The following TULP4 variants were observed in gnomAD, a reference collection of about 807,000 sequenced individuals.
The protein encoded by TULP4 is tubby-related protein 4.
Under a neutral mutation model 129.0 loss-of-function variants are expected in TULP4, and 16 were observed. The observed-to-expected ratio is 0.12, with a 90% CI of 0.08 to 0.19. The LOEUF (loss-of-function observed/expected upper bound fraction) is 0.19. TULP4 is among the 10% of genes least tolerant of loss of function. The probability of loss-of-function intolerance (pLI) is 1.00; values close to 1 mark genes in which losing one functional copy is unlikely to be tolerated. For synonymous variants in TULP4, 998 were observed against 854.0 expected, an observed-to-expected ratio of 1.17 and a Z score of -2.94; for missense variants, 1,842 against 2,059.1, an observed-to-expected ratio of 0.89 and a Z score of 2.04.
chr6:158,379,673 A>G (rs142383178), intron 1 of TULP4, among the ~76,000 whole-genome samples: 22 of 152,282 alleles, frequency 1.4e-4, no homozygotes, highest in African/African-American at 5.3e-4. Context: ...TACAGGGAAA[A>G]ATATGCAGCT....
chr6:158,257,635 CT>C (rs1213313654), intron 1 of TULP4, among the ~76,000 whole-genome samples: 4 of 152,206 alleles, frequency 2.6e-5, no homozygotes, highest in Non-Finnish European at 4.4e-5. Flanking sequence ...GCATTTACTT[CT>C]TTCCTGTAGG....
At chr6:158,456,192 A>G (rs1562573965) in intron 5 of TULP4, among the ~76,000 whole-genome samples, 1 of 152,302 alleles carries the variant, frequency 6.6e-6, no homozygotes, top group South Asian at 2.1e-4. Flanking sequence ...ACTGTGACCA[A>G]AGGTTTCGAC....
chr6:158,469,106 G>A (rs182934182), intron 6 of TULP4, among the ~76,000 whole-genome samples: 35 of 152,268 alleles, frequency 2.3e-4, no homozygotes, highest in African/African-American at 8.2e-4. Flanking sequence ...GGGCTTTGGG[G>A]AGACTAAACT....
At chr6:158,431,475 A>G (rs1324857147) in intron 3 of TULP4, among the ~76,000 whole-genome samples, 1 of 152,180 alleles carries the variant, frequency 6.6e-6, no homozygotes, top group Non-Finnish European at 1.5e-5. Flanking sequence ...GACTGTGCAC[A>G]TGTAGGACAG....
intron 9 of TULP4, among the ~76,000 whole-genome samples, chr6:158,490,994 A>T (rs542214122): frequency 6.6e-6 from 1 of 152,186 alleles, no homozygotes; most frequent in Non-Finnish European, 1.5e-5. Context: ...TTCTTATACA[A>T]GTCTTTTTGT....
At chr6:158,379,421 G>A (rs1373266482) in intron 1 of TULP4, among the ~76,000 whole-genome samples, 1 of 152,210 alleles carries the variant, frequency 6.6e-6, no homozygotes, top group Non-Finnish European at 1.5e-5. Flanking sequence ...GGGACTTATG[G>A]ACAGAGTGCT....
Position 158,481,094 on chromosome 6 carries a change from A to C in TULP4, c.1291A>C (p.Ser431Arg). The C allele has an allele frequency of 6.3e-7, 1 of 1,596,114 alleles. No homozygotes were observed. Among genetic ancestry groups the C allele is most frequent in the Non-Finnish European group, 8.6e-7 (1 of 1,167,318 alleles). Residue 431 changes from serine to arginine, a missense_variant, in exon 8 of 14, where the codon AGC becomes CGC. Coordinates refer to ENST00000367097, the MANE Select transcript of TULP4 (RefSeq NM_020245.5). ...TCCGAACAACATGAGAGACTTTGTC[A>C]GCTACCCATCAGCCGGCAACGAGCG... ...PDPNNMRDFV[S>R]YPSAGNERLH...
At chr6:158,292,278 G>A (rs930287125) in intron 1 of TULP4, among the ~76,000 whole-genome samples, 1 of 152,204 alleles carries the variant, frequency 6.6e-6, no homozygotes, top group Non-Finnish European at 1.5e-5. Flanking sequence ...GGACTGAGGG[G>A]TTTCCTGGGA....
chr6:158,487,423 C>T (rs995379902), intron 8 of TULP4, among the ~76,000 whole-genome samples: 14 of 152,002 alleles, frequency 9.2e-5, no homozygotes, highest in Admixed American at 6.6e-4. Flanking sequence ...CCAGCCTAGG[C>T]GACAGAGCGA....
intron 8 of TULP4, among the ~76,000 whole-genome samples, chr6:158,482,574 A>G (rs1779972492): frequency 6.6e-6 from 1 of 152,182 alleles, no homozygotes; most frequent in African/African-American, 2.4e-5. Flanking sequence ...GAGAGAGAGA[A>G]GCGCATGTTC....
intron 3 of TULP4, chr6:158,438,096 A>AT (rs1228611744): frequency 9.2e-5 from 14 of 152,242 alleles, no homozygotes; most frequent in African/African-American, 3.4e-4. Flanking sequence ...TGTAAAAATC[A>AT]TAAAAAGTAA....
chr6:158,274,142 C>G (rs1254526460), intron 1 of TULP4, among the ~76,000 whole-genome samples: 1 of 152,060 alleles, frequency 6.6e-6, no homozygotes, highest in Non-Finnish European at 1.5e-5. Context: ...CCTGCAGTCC[C>G]GGCTACTTGG....
chr6:158,503,552 G>T lies in TULP4; in HGVS notation c.3889G>T (p.Ala1297Ser), dbSNP rs1780523669. 1 of 1,613,920 alleles carries T rather than the reference G, an allele frequency of 6.2e-7. No individual in the cohort carries two copies. Among genetic ancestry groups the T allele is most frequent in the Non-Finnish European group, 8.5e-7 (1 of 1,179,994 alleles). The change falls in exon 13 of 14, where the codon GCC becomes TCC. Residue 1297 changes from alanine to serine, a missense_variant. By Grantham distance (99) the Ala-to-Ser change is moderately conservative (BLOSUM62 1). Around this residue, in one of 5 missense-constraint regions of TULP4, gnomAD observed 1,089 missense variants for 987.1 expected, o/e 1.10. Coordinates refer to ENST00000367097, the MANE Select transcript of TULP4 (RefSeq NM_020245.5). The surrounding 1 kb of genome is among the most constrained non-coding windows in gnomAD (Gnocchi z 4.3). ...GAAGCCCCTTGTGTCCCCACCACCTGCCGACCTCCAAAGCCACTTGGGCAC... is the reference window on the plus strand; with the variant it reads ...GAAGCCCCTTGTGTCCCCACCACCTTCCGACCTCCAAAGCCACTTGGGCAC... ...VEKPLVSPPP[A>S]DLQSHLGTEV... is the part of the protein sequence containing the mutation.
Position 158,503,095 on chromosome 6 carries a change from G to T in TULP4, c.3432G>T (p.Gly1144=). Residue 1144 remains glycine, a synonymous_variant, in exon 13 of 14, where the codon GGG becomes GGT. Coordinates refer to ENST00000367097, the MANE Select transcript of TULP4 (RefSeq NM_020245.5). This position sits in a 1 kb window ranked among gnomAD's most constrained non-coding sequence, Gnocchi z 4.3. The part of the protein sequence containing the change: ...VPQERTAQTS[G]PNPLKLSSLM... ...AAGAAAGGACAGCACAGACTTCAGGGCCCAACCCCTTAAAACTGTCCTCTC... is the reference window on the plus strand; with the variant it reads ...AAGAAAGGACAGCACAGACTTCAGGTCCCAACCCCTTAAAACTGTCCTCTC... 6.2e-7 allele frequency: 1 copy of T among 1,614,132 alleles called. No individual in the cohort carries two copies. Among genetic ancestry groups the T allele is most frequent in the South Asian group, 1.1e-5 (1 of 91,072 alleles).
intron 1 of TULP4, among the ~76,000 whole-genome samples, chr6:158,408,636 G>A (rs943687085): frequency 6.6e-6 from 1 of 152,156 alleles, no homozygotes; most frequent in Admixed American, 6.5e-5. Flanking sequence ...CAGCTGTGCA[G>A]CTGGTGAGTG....
chr6:158,274,885 A>G (rs1443979117), intron 1 of TULP4, among the ~76,000 whole-genome samples: 1 of 152,138 alleles, frequency 6.6e-6, no homozygotes, highest in African/African-American at 2.4e-5. Flanking sequence ...CAAACCCCCA[A>G]CGTCCTGGTC....
intron 3 of TULP4, among the ~76,000 whole-genome samples, chr6:158,442,818 T>G (rs1441169592): frequency 1.4e-5 from 2 of 146,478 alleles, no homozygotes; most frequent in African/African-American, 2.6e-5. Context: ...ATGGTTGGTT[T>G]TTTTTTTTTT....
chr6:158,474,582 C>G (rs1416547039), intron 6 of TULP4, among the ~76,000 whole-genome samples: 1 of 152,164 alleles, frequency 6.6e-6, no homozygotes, highest in Non-Finnish European at 1.5e-5. Context: ...AAAAAGACCC[C>G]CTTGCTGTTG....
intron 2 of TULP4, among the ~76,000 whole-genome samples, chr6:158,417,655 C>T (rs1478677251): frequency 2.6e-5 from 4 of 152,160 alleles, no homozygotes; most frequent in Non-Finnish European, 5.9e-5. Context: ...TGGCTTTCTG[C>T]ACCTGGAAAA....
Sources: gnomAD v4.1 joint callset for allele counts (sites outside exome capture counted in the v4.1 genomes callset) on GRCh38, gnomAD v4.1.1 for gene constraint, gnomAD v4.1.1 regional missense constraint, Gnocchi (gnomAD v3.1) non-coding constraint, MANE v1.5 for transcripts, NCBI Gene and HGNC (gene_info 2026-07-23, HGNC 2026-07-21) for gene names.